PARP15: variants seen among roughly 807,000 people sequenced by gnomAD.
The protein encoded by PARP15 is poly(ADP-ribose) polymerase family member 15.
PARP15 carries 50 observed loss-of-function variants against 62.1 expected under a neutral mutation model. The ratio of observed to expected loss-of-function variants is 0.81; its 90% confidence interval spans 0.64 to 1.02. PARP15 has a LOEUF of 1.02. PARP15 is among the 50% of genes least tolerant of loss of function. PARP15 has a pLI of 0.00. For missense variants in PARP15, 820 were observed against 826.5 expected (o/e 0.99, Z 0.10); for synonymous variants, 309 against 293.1 (o/e 1.05, Z -0.55).
At chr3:122,591,047 C>A (rs1402095899) in intron 1 of PARP15, among the ~76,000 whole-genome samples, 1 of 152,072 alleles carries the variant, frequency 6.6e-6, no homozygotes, top group South Asian at 2.1e-4. Flanking sequence ...AATATTTTAG[C>A]CAATGAGTTA....
rs773728217 is a variant in PARP15 at position 122,621,493 on chromosome 3, G to A, written c.1113G>A (p.Lys371=). 1.2e-6 allele frequency: 2 copies of A among 1,613,786 alleles called. No individual in the cohort carries two copies. The highest frequency in any genetic ancestry group is 2.7e-5 in the African/African-American group (2 of 74,890). ...TAATTACACCAGGTGGATGCTTAAAGTGCAAAATAATAATTCATGTTCCTG... is the reference window on the plus strand; with the variant it reads ...TAATTACACCAGGTGGATGCTTAAAATGCAAAATAATAATTCATGTTCCTG... ...DFIITPGGCL[K]CKIIIHVPGG... is the part of the protein sequence containing the mutation. Residue 371 remains lysine (K), a synonymous_variant, in exon 8 of 12, where the codon AAG becomes AAA. Transcript: ENST00000464300.
chr3:122,618,408 C>T (rs529829312), intron 6 of PARP15, among the ~76,000 whole-genome samples: 10 of 152,200 alleles, frequency 6.6e-5, no homozygotes, highest in Admixed American at 3.3e-4. Context: ...AATTTTTAGA[C>T]GATGGGGAGC....
At chr3:122,584,473 A>C (rs553551036) in intron 1 of PARP15, among the ~76,000 whole-genome samples, 1 of 152,282 alleles carries the variant, frequency 6.6e-6, no homozygotes, top group Non-Finnish European at 1.5e-5. Context: ...TCCTGACGTT[A>C]ATGAAAAAAT....
chr3:122,627,474 G>T (rs572369237), intron 9 of PARP15, among the ~76,000 whole-genome samples: 1 of 152,184 alleles, frequency 6.6e-6, no homozygotes, highest in Non-Finnish European at 1.5e-5. Flanking sequence ...TCAGCTGGGT[G>T]TACTACATCA....
chr3:122,633,178 C>T (rs1033065349), intron 10 of PARP15, among the ~76,000 whole-genome samples: 4 of 152,176 alleles, frequency 2.6e-5, no homozygotes, highest in Non-Finnish European at 5.9e-5. Context: ...CCTGGCTCCC[C>T]GACTAGACAG....
At chr3:122,616,589 C>T (rs1935989776) in intron 5 of PARP15, among the ~76,000 whole-genome samples, 2 of 152,090 alleles carry the variant, frequency 1.3e-5, no homozygotes, top group South Asian at 4.1e-4. Flanking sequence ...ACCTCAGCCT[C>T]CCAAAGTGCT....
At chr3:122,596,561 TG>T (rs1434667095) in intron 1 of PARP15, among the ~76,000 whole-genome samples, 1 of 152,066 alleles carries the variant, frequency 6.6e-6, no homozygotes, top group Non-Finnish European at 1.5e-5. Context: ...TATTTTCCTT[TG>T]GGAAATCCTG....
At position 122,613,269 on chromosome 3, in the gene PARP15, G is replaced by A. The variant is rs1185318196; in HGVS notation, c.771+1G>A. On this transcript the variant is annotated splice_donor_variant, in intron 4 of 11. Transcript: ENST00000464300. LOFTEE classifies it high-confidence loss of function. The stretch of plus-strand genomic sequence containing the variant: ...TACAAATGACGATGAAGGCTGTCAG[G>A]TATGGTTACATATCCCATCTGGTTA... The A allele has an allele frequency of 1.4e-5, 22 of 1,536,532 alleles. 1 individual carries two copies. Among genetic ancestry groups the A allele is most frequent in the Admixed American group, 5.9e-5 (3 of 50,984 alleles).
intron 1 of PARP15, chr3:122,594,828 A>G (rs768661477): frequency 1.0e-4 from 98 of 982,672 alleles, no homozygotes; most frequent in South Asian, 1.9e-4. Flanking sequence ...TTTGGAACAG[A>G]CAACAACCAT....
intron 8 of PARP15, among the ~76,000 whole-genome samples, chr3:122,623,648 C>T (rs534882826): frequency 3.4e-4 from 52 of 152,342 alleles, no homozygotes; most frequent in Non-Finnish European, 5.9e-4. Flanking sequence ...GCTTGTGCCA[C>T]ACCTCTTCGA....
At chr3:122,616,983 G>A (rs1199577577) in intron 5 of PARP15, 32 bp from the exon 6 acceptor site, 1 of 1,607,944 alleles carries the variant, frequency 6.2e-7, no homozygotes, top group Non-Finnish European at 8.5e-7. Flanking sequence ...AGCTGAGCCA[G>A]CCCATTCTTT....
intron 1 of PARP15, 109 bp from the exon 2 acceptor site, chr3:122,605,827 C>A: frequency 8.9e-7 from 1 of 1,120,346 alleles, no homozygotes; most frequent in Non-Finnish European, 1.3e-6. Context: ...AGTGATTCTC[C>A]CACCTAGTCT....
chr3:122,603,887 T>C (rs1366460960), intron 1 of PARP15, among the ~76,000 whole-genome samples: 1 of 152,208 alleles, frequency 6.6e-6, no homozygotes, highest in Non-Finnish European at 1.5e-5. Context: ...GATATCCTTT[T>C]TGAGTGAGAT....
intron 1 of PARP15, 29 bp downstream of exon 1, chr3:122,577,882 AG>A (rs1485818827): frequency 2.0e-6 from 3 of 1,514,674 alleles, no homozygotes; most frequent in South Asian, 2.6e-5. Flanking sequence ...GGGTGCGGGA[AG>A]GGGACAGCAG....
intron 1 of PARP15, among the ~76,000 whole-genome samples, chr3:122,598,932 C>T (rs1236452407): frequency 6.6e-6 from 1 of 151,858 alleles, no homozygotes; most frequent in East Asian, 1.9e-4. Flanking sequence ...GCTCTTGTCA[C>T]CCTGGAGTGC....
At chr3:122,603,347 C>G (rs1478977854) in intron 1 of PARP15, among the ~76,000 whole-genome samples, 1 of 152,046 alleles carries the variant, frequency 6.6e-6, no homozygotes, top group African/African-American at 2.4e-5. Flanking sequence ...CCAGCTTACT[C>G]AAGGAAGACC....
rs930474913 is a variant in PARP15, at chr3:122,583,379, G to A, written c.186+5526G>A. ...TGACCTCAGGTGATCCACCCACTTC[G>A]GCCTCCCAAAGTGCTGGGATTACAG... On this transcript the variant is annotated intron_variant, in intron 1 of 11. Coordinates refer to ENST00000464300, the MANE Select transcript of PARP15 (RefSeq NM_001113523.3). Among the ~76,000 whole-genome samples the A allele has an allele frequency of 4.0e-5, 6 of 151,508 alleles. No individual in the cohort carries two copies. In the East Asian group the frequency reaches 7.7e-4, roughly 20 times the overall value.
intron 5 of PARP15, 106 bp downstream of exon 5, chr3:122,615,963 C>T (rs1234727973): frequency 9.0e-7 from 1 of 1,106,566 alleles, no homozygotes; most frequent in Non-Finnish European, 1.3e-6. Flanking sequence ...ACATGAAGAA[C>T]AAATCTGTGA....
chr3:122,580,624 C>A (rs1321014832), intron 1 of PARP15, among the ~76,000 whole-genome samples: 1 of 152,186 alleles, frequency 6.6e-6, no homozygotes, highest in Non-Finnish European at 1.5e-5. Context: ...CTTTTTGGGA[C>A]TGACATTTCA....
Sources: allele counts gnomAD v4.1 joint callset (sites outside exome capture counted in the v4.1 genomes callset), GRCh38; gene constraint gnomAD v4.1.1; transcripts MANE v1.5; gene names NCBI Gene and HGNC (gene_info 2026-07-23, HGNC 2026-07-21).